Variants in DMD observed in about 807,000 individuals in gnomAD.
DMD encodes dystrophin, also known as mutant dystrophin.
DMD carries 63 observed loss-of-function variants against 330.1 expected under a neutral mutation model. That is an observed-to-expected ratio of 0.19 (90% CI 0.16 to 0.24). The LOEUF is 0.24. Among genes scored for constraint, DMD ranks in the 10% least tolerant of loss-of-function variants. The probability of loss-of-function intolerance (pLI) is 1.00; values close to 1 mark genes in which losing one functional copy is unlikely to be tolerated. For missense variants in DMD, 3,344 were observed against 2,684.1 expected, an observed-to-expected ratio of 1.25 and a Z score of -5.43; for synonymous variants, 1,223 against 959.8, an observed-to-expected ratio of 1.27 and a Z score of -5.07.
intron 55 of DMD, among the ~76,000 whole-genome samples, chrX:31,617,786 C>T (rs2078293337): frequency 9.0e-6 from 1 of 111,260 alleles, no homozygotes; most frequent in South Asian, 3.8e-4. Context: ...ATGTTCATTG[C>T]TGCACTATTC....
chrX:32,332,204 A>C (rs2148727674), intron 41 of DMD, among the ~76,000 whole-genome samples: 1 of 111,651 alleles, frequency 9.0e-6, no homozygotes, highest in South Asian at 3.7e-4. Flanking sequence ...TATGAATTAA[A>C]CAAATATATA....
At chrX:32,061,257 T>C (rs1244597891) in intron 44 of DMD, among the ~76,000 whole-genome samples, 3 of 111,022 alleles carry the variant, frequency 2.7e-5, no homozygotes, top group Non-Finnish European at 5.7e-5. Context: ...AGTACATGTT[T>C]ACTTCCTACA....
chrX:32,632,042 T>TA (rs2058766295), intron 11 of DMD, among the ~76,000 whole-genome samples: 1 of 111,891 alleles, frequency 8.9e-6, no homozygotes. Flanking sequence ...AAGTTTCTTC[T>TA]ACCTATGAGC....
chrX:31,350,640 A>T (rs866619555), intron 60 of DMD, among the ~76,000 whole-genome samples: 1,407 of 83,297 alleles, frequency 0.017, 15 homozygotes, highest in African/African-American at 0.053. Context: ...TGTGAGAGAG[A>T]GAGAGAGAGA....
chrX:31,401,423 C>T (rs149921136), intron 60 of DMD, among the ~76,000 whole-genome samples: 2,014 of 112,189 alleles, frequency 0.018, 24 homozygotes, highest in African/African-American at 0.033. Flanking sequence ...ACTATTAAAG[C>T]TGCACTTAGA....
intron 44 of DMD, among the ~76,000 whole-genome samples, chrX:31,980,802 A>C (rs1461202824): frequency 8.9e-6 from 1 of 112,124 alleles, no homozygotes; most frequent in Admixed American, 9.5e-5. Context: ...ATGTAAGAAC[A>C]AACTCTTCCT....
At chrX:31,180,681 G>C (rs1449326711) in intron 68 of DMD, among the ~76,000 whole-genome samples, 200 bp from the exon 69 acceptor site, 3 of 111,562 alleles carry the variant, frequency 2.7e-5, no homozygotes, top group Non-Finnish European at 5.7e-5. Context: ...TTGGCAGAAA[G>C]ATTATCCTAT....
At chrX:33,313,241 T>C (rs181720527) in intron 1 of DMD, among the ~76,000 whole-genome samples, 8 of 112,422 alleles carry the variant, frequency 7.1e-5, no homozygotes, top group Non-Finnish European at 1.3e-4. Context: ...TTTCAATCAA[T>C]ATACTGCTTG....
chrX:31,959,180 T>C (rs1466215891), intron 45 of DMD, among the ~76,000 whole-genome samples: 1 of 111,978 alleles, frequency 8.9e-6, no homozygotes, highest in African/African-American at 3.2e-5. Context: ...ACTCTCTTTT[T>C]TTCACTCTGA....
At chrX:32,199,237 C>A (rs992067699) in intron 44 of DMD, among the ~76,000 whole-genome samples, 2 of 111,651 alleles carry the variant, frequency 1.8e-5, no homozygotes, top group South Asian at 7.6e-4. Flanking sequence ...GAAGCTTTCT[C>A]CTGAGGCACC....
At chrX:31,200,054 C>T (rs1051224191) in intron 67 of DMD, among the ~76,000 whole-genome samples, 4 of 112,307 alleles carry the variant, frequency 3.6e-5, no homozygotes, top group African/African-American at 1.3e-4. Context: ...TAAGTATTTA[C>T]AATGGATCCA....
intron 55 of DMD, among the ~76,000 whole-genome samples, chrX:31,537,053 G>A (rs1043366306): frequency 9.0e-6 from 1 of 111,669 alleles, no homozygotes; most frequent in Non-Finnish European, 1.9e-5. Flanking sequence ...TGAACGTACT[G>A]CAATCTTGGT....
intron 21 of DMD, among the ~76,000 whole-genome samples, chrX:32,482,077 ATTATT>A (rs979528183): frequency 2.7e-5 from 3 of 111,906 alleles, no homozygotes; most frequent in African/African-American, 9.7e-5. Flanking sequence ...ATCCCTAATA[ATTATT>A]TTAACATGAT....
chrX:33,324,683 C>G (rs191707385), intron 1 of DMD, among the ~76,000 whole-genome samples: 4 of 111,190 alleles, frequency 3.6e-5, no homozygotes, highest in African/African-American at 9.8e-5. Context: ...GATCAATTCT[C>G]TTATTCTCCC....
chrX:32,051,982 A>G (rs941930375), intron 44 of DMD, among the ~76,000 whole-genome samples: 3 of 112,144 alleles, frequency 2.7e-5, no homozygotes, highest in Non-Finnish European at 5.6e-5. Flanking sequence ...AAATAACCTA[A>G]GTTTACTTTT....
At chrX:31,160,275 G>A (rs752335996) in intron 74 of DMD, among the ~76,000 whole-genome samples, 5 of 111,657 alleles carry the variant, frequency 4.5e-5, no homozygotes, top group African/African-American at 1.6e-4. Context: ...ATGATCATGA[G>A]AGTTAATTTA....
intron 44 of DMD, among the ~76,000 whole-genome samples, chrX:32,147,877 C>CTTTTTTT (rs779461772): frequency 1.1e-5 from 1 of 87,972 alleles, no homozygotes. Flanking sequence ...AAAATTTCTT[C>CTTTTTTT]TTTTTTTTTT....
At chrX:33,216,264 A>T (rs918851275), upstream of DMD, among the ~76,000 whole-genome samples, 1 of 111,757 alleles carries the variant, frequency 8.9e-6, no homozygotes, top group Non-Finnish European at 1.9e-5. Flanking sequence ...CTGCATGGTC[A>T]TGAAAAAGAA....
chrX:32,122,846 A>G (rs2096642790), intron 44 of DMD, among the ~76,000 whole-genome samples: 4 of 111,079 alleles, frequency 3.6e-5, no homozygotes, highest in Admixed American at 2.9e-4. Flanking sequence ...GGAATACACT[A>G]CTCATAAGGA....
Sources: allele counts gnomAD v4.1 joint callset (sites outside exome capture counted in the v4.1 genomes callset), GRCh38; gene constraint gnomAD v4.1.1; transcripts MANE v1.5; gene names NCBI Gene and HGNC (gene_info 2026-07-23, HGNC 2026-07-21).